The following TTC6 variants were observed in gnomAD, a reference collection of about 807,000 sequenced individuals.
The protein encoded by TTC6 is tetratricopeptide repeat protein 6.
In TTC6, 172 loss-of-function variants were observed where a neutral mutation model predicts 210.4. The ratio of observed to expected loss-of-function variants is 0.82; its 90% CI spans 0.72 to 0.93. TTC6 has a LOEUF of 0.93. Ranked by LOEUF, TTC6 falls within the 40% of genes least tolerant of loss-of-function variation. The pLI, the probability that TTC6 is intolerant of heterozygous loss-of-function variation, is 0.00. For synonymous variants in TTC6, 804 were observed against 819.6 expected, an observed-to-expected ratio of 0.98 and a Z score of 0.32; for missense variants, 2,414 against 2,318.1, an observed-to-expected ratio of 1.04 and a Z score of -0.85.
At chr14:37,721,334 C>T (rs2095861445) in intron 6 of TTC6, among the ~76,000 whole-genome samples, 1 of 152,124 alleles carries the variant, frequency 6.6e-6, no homozygotes, top group Non-Finnish European at 1.5e-5. Flanking sequence ...TTTAACTCTT[C>T]AAATGTTGAC....
chr14:37,645,213 T>C (rs1374882293), intron 1 of TTC6, among the ~76,000 whole-genome samples: 1 of 152,208 alleles, frequency 6.6e-6, no homozygotes, highest in Non-Finnish European at 1.5e-5. Context: ...TTTCTTCAAA[T>C]GAAATATTCA....
chr14:37,791,017 G>A (rs2096077993), intron 16 of TTC6, among the ~76,000 whole-genome samples, 180 bp downstream of exon 18: 1 of 152,100 alleles, frequency 6.6e-6, no homozygotes, highest in African/African-American at 2.4e-5. Context: ...AATAAAACCT[G>A]TTCTCAACAT....
exon 26 of TTC6, chr14:37,817,598 G>A (rs769008921): frequency 9.3e-6 from 15 of 1,613,870 alleles, no homozygotes; most frequent in Non-Finnish European, 1.3e-5. Flanking sequence ...AAGCTGCACT[G>A]ATAAGCCGGA....
chr14:37,749,323 T>A (rs1240877206), exon 11 of TTC6: 2 of 1,512,036 alleles, frequency 1.3e-6, no homozygotes, highest in Admixed American at 4.2e-5. Flanking sequence ...CAAAATATCC[T>A]GCATTTGCAT....
At chr14:37,803,572 G>C (rs2096111799) in intron 20 of TTC6, among the ~76,000 whole-genome samples, 1 of 152,094 alleles carries the variant, frequency 6.6e-6, no homozygotes. Context: ...AGTTTTAATG[G>C]GCTCAAGGAG....
chr14:37,629,423 A>G (rs926191274), intron 1 of TTC6, among the ~76,000 whole-genome samples: 1 of 152,026 alleles, frequency 6.6e-6, no homozygotes, highest in East Asian at 1.9e-4. Context: ...TTATTGGTGT[A>G]TAGGAATGCT....
intron 14 of TTC6, among the ~76,000 whole-genome samples, chr14:37,784,523 T>A (rs1418803611): frequency 4.6e-5 from 7 of 152,280 alleles, no homozygotes; most frequent in African/African-American, 1.7e-4. Context: ...TCTCTGCACG[T>A]TGAGATGGGT....
chr14:37,665,534 G>C (rs2095746261), intron 1 of TTC6, among the ~76,000 whole-genome samples: 1 of 150,266 alleles, frequency 6.7e-6, no homozygotes, highest in Admixed American at 6.6e-5. Flanking sequence ...AGGAAGAACA[G>C]CTAATGGATG....
chr14:37,792,253 T>G lies in TTC6; in HGVS notation c.3558-11T>G, dbSNP rs78098834. 1 of 1,359,386 alleles carries G rather than the reference T, an allele frequency of 7.4e-7. No homozygotes were observed. Among genetic ancestry groups the G allele is most frequent in the African/African-American group, 1.5e-5 (1 of 67,438 alleles). 84.2% of individuals were successfully genotyped at this position (1,359,386 alleles called of 1,614,324 possible). ...TGTTTAACAAGATTTCACTTTCTCA[T>G]TTTTTTTTAGAACTATTACTTTGGC... On this transcript the variant is annotated splice_polypyrimidine_tract_variant and intron_variant, in intron 16 of 30. Transcript: ENST00000553443.
At chr14:37,786,750 A>G (rs2096068700) in intron 14 of TTC6, among the ~76,000 whole-genome samples, 1 of 152,204 alleles carries the variant, frequency 6.6e-6, no homozygotes, top group Admixed American at 6.5e-5. Context: ...AGCTGTTCCT[A>G]TTTGACCATC....
intron 27 of TTC6, 40 bp downstream of exon 29, chr14:37,823,997 G>A (rs1467277946): frequency 1.3e-6 from 2 of 1,577,612 alleles, no homozygotes; most frequent in African/African-American, 2.7e-5. Flanking sequence ...GCATGTTTTG[G>A]GGAGAAAGAA....
chr14:37,656,581 T>C (rs1203598888), intron 1 of TTC6, among the ~76,000 whole-genome samples: 2 of 151,568 alleles, frequency 1.3e-5, no homozygotes, highest in African/African-American at 2.4e-5. Context: ...CTTGAGAGGA[T>C]TGCCTTTACT....
intron 14 of TTC6, among the ~76,000 whole-genome samples, chr14:37,784,098 G>T (rs1046202028): frequency 6.6e-6 from 1 of 152,200 alleles, no homozygotes; most frequent in Admixed American, 6.5e-5. Context: ...TGAGAAGAAT[G>T]TATATTCTGT....
At position 37,749,854 on chromosome 14, in the gene TTC6, T is replaced by G; in HGVS notation, c.2956+11T>G. 7.4e-7 allele frequency: 1 copy of G among 1,347,664 alleles called. No homozygotes were observed. Among genetic ancestry groups the G allele is most frequent in the Admixed American group, 3.3e-5 (1 of 30,742 alleles). The allele number at this position is 1,347,664 out of a possible 1,614,324, so 83.5% of individuals were successfully genotyped here. A position where few individuals can be genotyped will look rare whatever the true frequency, so the allele number is the denominator to read the frequency against. On this transcript the variant is annotated intron_variant, in intron 12 of 30. Coordinates refer to ENST00000553443, the Ensembl canonical transcript of TTC6. ...ATAAAAATAATACAGGTGGGTTGTCTGTAGAGACAGTTATATTACCTACAT... is the reference window on the plus strand; with the variant it reads ...ATAAAAATAATACAGGTGGGTTGTCGGTAGAGACAGTTATATTACCTACAT...
chr14:37,653,803 CTT>C (rs1470565434), intron 1 of TTC6, among the ~76,000 whole-genome samples: 4 of 152,166 alleles, frequency 2.6e-5, no homozygotes, highest in Non-Finnish European at 4.4e-5. Context: ...AAGACATTCT[CTT>C]GTCAACTTAT....
At chr14:37,776,555 T>C (rs8013150) in intron 14 of TTC6, among the ~76,000 whole-genome samples, 96,782 of 151,914 alleles carry the variant, frequency 0.64, 30,883 homozygotes, top group Admixed American at 0.68. Flanking sequence ...TGAAAAGGAT[T>C]TTATTTCTCC....
At chr14:37,819,041 A>G (rs927366128) in intron 26 of TTC6, among the ~76,000 whole-genome samples, 12 of 152,210 alleles carry the variant, frequency 7.9e-5, no homozygotes, top group African/African-American at 2.9e-4. Flanking sequence ...CACTGGGTAT[A>G]TACAGGAGAG....
chr14:37,598,394 G>A lies in TTC6; in HGVS notation c.-235+2386G>A, dbSNP rs902704845. Among the ~76,000 whole-genome samples, 4 of 152,216 alleles carry A rather than the reference G, an allele frequency of 2.6e-5. No individual in the cohort carries two copies. The highest frequency in any genetic ancestry group is 9.6e-5 in the African/African-American group (4 of 41,464). ...CAAGTGGGGGATCCGCGGCAGTGAG[G>A]ACTGTAGGGTGCGCGGGTACTCCGG... On this transcript the variant is annotated intron_variant, in intron 1 of 2. Transcript: ENST00000556845. The surrounding 1 kb of genome is among the most constrained non-coding windows in gnomAD (Gnocchi z 4.9).
intron 20 of TTC6, among the ~76,000 whole-genome samples, chr14:37,799,807 G>A (rs1231798340): frequency 6.6e-6 from 1 of 151,996 alleles, no homozygotes; most frequent in Non-Finnish European, 1.5e-5. Context: ...CTTAAAAGAA[G>A]AAGAGAAAAG....
Sources: allele counts gnomAD v4.1 joint callset (sites outside exome capture counted in the v4.1 genomes callset), GRCh38; gene constraint gnomAD v4.1.1; non-coding constraint Gnocchi (gnomAD v3.1); transcripts MANE v1.5; gene names NCBI Gene and HGNC (gene_info 2026-07-23, HGNC 2026-07-21).